Variants in VAT1L observed in about 807,000 individuals in gnomAD.
VAT1L encodes vesicle amine transport 1 like.
A neutral mutation model predicts 44.1 loss-of-function variants in VAT1L; 34 were observed. That is an observed-to-expected ratio of 0.77 (90% CI 0.59 to 1.03). VAT1L has a LOEUF of 1.03. Ranked by LOEUF, VAT1L falls within the 50% of genes least tolerant of loss-of-function variation. The pLI is 0.00. For synonymous variants in VAT1L, 253 were observed against 202.2 expected, an observed-to-expected ratio of 1.25 and a Z score of -2.13; for missense variants, 615 against 538.8, an observed-to-expected ratio of 1.14 and a Z score of -1.40.
At chr16:77,975,322 G>A (rs2018326405) in intron 8 of VAT1L, among the ~76,000 whole-genome samples, 1 of 144,784 alleles carries the variant, frequency 6.9e-6, no homozygotes. Flanking sequence ...TAATTCTCAT[G>A]CCACAGCCTC....
chr16:77,805,129 C>T (rs2016132747), intron 1 of VAT1L, among the ~76,000 whole-genome samples: 1 of 152,138 alleles, frequency 6.6e-6, no homozygotes, highest in South Asian at 2.1e-4. Flanking sequence ...TGATTGAACA[C>T]AGGTGGATTC....
At chr16:77,792,001 A>G (rs1359192519) in intron 1 of VAT1L, among the ~76,000 whole-genome samples, 1 of 152,192 alleles carries the variant, frequency 6.6e-6, no homozygotes, top group East Asian at 1.9e-4. Context: ...CTTGAATATA[A>G]GCTTAAGCCT....
intron 7 of VAT1L, among the ~76,000 whole-genome samples, chr16:77,962,719 C>T (rs928743252): frequency 3.0e-5 from 2 of 66,106 alleles, no homozygotes; most frequent in Non-Finnish European, 7.4e-5. Flanking sequence ...CTTTTCTCTA[C>T]AAAAGAAGGA....
chr16:77,816,785 GAAAA>G, intron 1 of VAT1L, 132 bp from the exon 2 acceptor site: 1 of 1,086,594 alleles, frequency 9.2e-7, no homozygotes, highest in Non-Finnish European at 1.2e-6. Context: ...TTGCCAAAAA[GAAAA>G]AAAAAAGACA....
At chr16:77,831,816 T>C (rs1051230362) in intron 3 of VAT1L, among the ~76,000 whole-genome samples, 4 of 151,900 alleles carry the variant, frequency 2.6e-5, no homozygotes, top group African/African-American at 9.7e-5. Flanking sequence ...GTTTGTTTGT[T>C]GTTTTTCTTT....
chr16:77,961,510 A>G (rs545288142), intron 7 of VAT1L, among the ~76,000 whole-genome samples: 1 of 152,334 alleles, frequency 6.6e-6, no homozygotes, highest in African/African-American at 2.4e-5. Flanking sequence ...CAAGGTTTCC[A>G]TGGCCCTCTT....
intron 8 of VAT1L, among the ~76,000 whole-genome samples, chr16:77,975,459 G>A (rs1050438686): frequency 2.6e-5 from 4 of 151,984 alleles, no homozygotes; most frequent in African/African-American, 7.3e-5. Flanking sequence ...TGATCTGCCC[G>A]CCTTGGCCTC....
chr16:77,912,254 C>T (rs1020759071), intron 7 of VAT1L, among the ~76,000 whole-genome samples: 1 of 152,116 alleles, frequency 6.6e-6, no homozygotes, highest in African/African-American at 2.4e-5. Flanking sequence ...GGTTGATCAC[C>T]CTCAGCAAGA....
chr16:77,977,689 C>T lies in VAT1L; in HGVS notation c.1254C>T (p.Ile418=). 1 of 1,613,736 alleles carries T rather than the reference C, an allele frequency of 6.2e-7. No individual in the cohort carries two copies. Among genetic ancestry groups the T allele is most frequent in the African/African-American group, 1.3e-5 (1 of 75,040 alleles). ...AGAACAAGGAGCGGATGCCCTTTAT[C>T]CAGTAACTGAGGACCCAGGTGGGAG... ...DSENKERMPF[I]Q Residue 418 remains isoleucine (I), a synonymous_variant, in exon 9 of 9, where the codon ATC becomes ATT. Transcript: ENST00000302536.
chr16:77,811,438 A>C (rs1209602098), intron 1 of VAT1L, among the ~76,000 whole-genome samples: 1 of 152,164 alleles, frequency 6.6e-6, no homozygotes, highest in Non-Finnish European at 1.5e-5. Context: ...TCCAAACGAT[A>C]AGCTTTGGGG....
intron 7 of VAT1L, among the ~76,000 whole-genome samples, chr16:77,890,096 G>A (rs908943470): frequency 5.9e-5 from 9 of 152,008 alleles, no homozygotes; most frequent in Non-Finnish European, 1.3e-4. Flanking sequence ...CACAAAAAGA[G>A]AGAGAATGTT....
intron 7 of VAT1L, among the ~76,000 whole-genome samples, chr16:77,908,357 G>T (rs888161994): frequency 2.0e-5 from 3 of 151,134 alleles, no homozygotes; most frequent in African/African-American, 7.3e-5. Flanking sequence ...TGCTACTTGG[G>T]AGGCTGAGGC....
chr16:77,804,494 T>G (rs2016120086), intron 1 of VAT1L, among the ~76,000 whole-genome samples: 1 of 152,182 alleles, frequency 6.6e-6, no homozygotes, highest in Non-Finnish European at 1.5e-5. Flanking sequence ...GAATACTAAT[T>G]TGGGCATATG....
intron 8 of VAT1L, among the ~76,000 whole-genome samples, chr16:77,977,305 C>T (rs1279668194): frequency 6.6e-6 from 1 of 152,216 alleles, no homozygotes; most frequent in Admixed American, 6.5e-5. Flanking sequence ...AACCAACTTA[C>T]TAACATACCC....
chr16:77,813,755 T>C (rs1027480993), intron 1 of VAT1L, among the ~76,000 whole-genome samples: 3 of 152,200 alleles, frequency 2.0e-5, no homozygotes, highest in East Asian at 1.9e-4. Context: ...TCCCAATTCA[T>C]AGTTTTACAG....
At chr16:77,802,345 C>T (rs1033391953) in intron 1 of VAT1L, among the ~76,000 whole-genome samples, 1 of 152,008 alleles carries the variant, frequency 6.6e-6, no homozygotes, top group Non-Finnish European at 1.5e-5. Context: ...GCCGGGGCAC[C>T]GTGGCCCACG....
intron 3 of VAT1L, among the ~76,000 whole-genome samples, chr16:77,847,988 G>A (rs533848451): frequency 2.0e-5 from 3 of 152,318 alleles, no homozygotes; most frequent in East Asian, 1.9e-4. Flanking sequence ...TCCCCTGGAC[G>A]TAGTGCCATT....
chr16:77,906,141 A>G (rs1270496544), intron 7 of VAT1L, among the ~76,000 whole-genome samples: 2 of 152,222 alleles, frequency 1.3e-5, no homozygotes, highest in Non-Finnish European at 2.9e-5. Context: ...TCACTCATCA[A>G]AAAGTTTGTC....
At chr16:77,931,967 G>C (rs922643584) in intron 7 of VAT1L, among the ~76,000 whole-genome samples, 1 of 152,156 alleles carries the variant, frequency 6.6e-6, no homozygotes, top group East Asian at 1.9e-4. Flanking sequence ...ACCACTAAGG[G>C]AGTAGACATG....
Sources: gnomAD v4.1 joint callset for allele counts (sites outside exome capture counted in the v4.1 genomes callset) on GRCh38, gnomAD v4.1.1 for gene constraint, MANE v1.5 for transcripts, NCBI Gene and HGNC (gene_info 2026-07-23, HGNC 2026-07-21) for gene names.